Variants in APBA3 observed in about 807,000 individuals in gnomAD.
APBA3 encodes amyloid-beta A4 precursor protein-binding family A member 3.
Under a neutral mutation model 55.9 loss-of-function variants are expected in APBA3, and 45 were observed. The ratio of observed to expected loss-of-function variants is 0.80; its 90% CI spans 0.63 to 1.03. APBA3 has a LOEUF of 1.03. APBA3 is among the 50% of genes least tolerant of loss of function. The pLI, the probability that APBA3 is intolerant of heterozygous loss-of-function variation, is 0.00. For missense variants in APBA3, 865 were observed against 820.3 expected, an observed-to-expected ratio of 1.05 and a Z score of -0.67; for synonymous variants, 370 against 353.3, an observed-to-expected ratio of 1.05 and a Z score of -0.53.
Position 3,754,364 on chromosome 19 carries a change from C to T in APBA3, c.617-24G>A, listed in dbSNP as rs78443877. The T allele has an allele frequency of 6.9e-4, 1,066 of 1,546,488 alleles. 6 individuals carry two copies. In the African/African-American group the frequency reaches 0.012, roughly 18 times the overall value. On this transcript the variant is annotated intron_variant, in intron 3 of 10. Transcript: ENST00000316757. ...CACTGAGGGCGACAGCGAAGAGGGT[C>T]GGCCCCCAGGGGCCCACTCCCACAG...
chr19:3,752,416 G>T (rs1399375281), intron 8 of APBA3, 92 bp downstream of exon 8: 2 of 1,212,886 alleles, frequency 1.6e-6, no homozygotes, highest in Non-Finnish European at 2.3e-6. Flanking sequence ...CCTCCTGGCT[G>T]GGCTGGAGAG....
At chr19:3,752,446 C>A (rs994560554) in intron 8 of APBA3, 62 bp downstream of exon 8, 9 of 1,452,972 alleles carry the variant, frequency 6.2e-6, no homozygotes, top group Non-Finnish European at 7.4e-6. Flanking sequence ...GGGAGGAGAC[C>A]TCTCTGGGAC....
rs1265561083 is a variant in APBA3, at chr19:3,752,909, TGGG to T, written c.1090_1092del (p.Pro364del). ...GGGCTCGGGTGCACGCCCACCTGGC[TGGG>T]GTCAATACCGCTTTCCCGTAGGAAC... On this transcript the variant is annotated inframe_deletion, in exon 7 of 11. Transcript: ENST00000316757. The T allele has an allele frequency of 6.2e-7, 1 of 1,613,396 alleles. No individual in the cohort carries two copies. Among genetic ancestry groups the T allele is most frequent in the South Asian group, 1.1e-5 (1 of 91,090 alleles).
At chr19:3,757,127 T>C (rs1599175339) in intron 3 of APBA3, among the ~76,000 whole-genome samples, 1 of 152,110 alleles carries the variant, frequency 6.6e-6, no homozygotes. Context: ...TTTTTTTCTT[T>C]TTTTTGAGAC....
chr19:3,751,624 TCA>T, intron 8 of APBA3, 71 bp from the exon 9 acceptor site: 1 of 1,490,884 alleles, frequency 6.7e-7, no homozygotes, highest in Non-Finnish European at 8.9e-7. Context: ...CCTCTGGGCC[TCA>T]GTTTACCCTC....
At position 3,751,431 on chromosome 19, in the gene APBA3, C is replaced by G. The variant is rs1207448852; in HGVS notation, c.1515+3G>C. The G allele has an allele frequency of 1.3e-6, 2 of 1,528,718 alleles. No individual in the cohort carries two copies. The highest frequency in any genetic ancestry group is 1.8e-6 in the Non-Finnish European group (2 of 1,142,180). 94.7% of individuals were successfully genotyped at this position (1,528,718 alleles called of 1,614,324 possible). A position where few individuals can be genotyped will look rare whatever the true frequency, so the allele number is the denominator to read the frequency against. On this transcript the variant is annotated splice_donor_region_variant and intron_variant, in intron 9 of 10. Coordinates refer to ENST00000316757, the MANE Select transcript of APBA3 (RefSeq NM_004886.4). ...ACCCCGGGGCCAGGGGCCGGGGCCT[C>G]ACGATGCCGTCCTCCACGCAGAAGC...
Position 3,759,954 on chromosome 19 carries a change from G to C in APBA3, c.311C>G (p.Ser104Cys), listed in dbSNP as rs780131562. ...CAGGTCATCCCGGCCAGCTTCGGCA[G>C]ACAGGAGCCCGTGGGCATCAGCAAT... ...QEIADAHGLL[S>C]AEAGRDDLLG... is the part of the protein sequence containing the mutation. Residue 104 changes from serine (S) to cysteine (C), a missense_variant, in exon 2 of 11, where the codon TCT becomes TGT. Coordinates refer to ENST00000316757, the MANE Select transcript of APBA3 (RefSeq NM_004886.4). The C allele has an allele frequency of 1.2e-6, 2 of 1,610,114 alleles. No individual in the cohort carries two copies. Among genetic ancestry groups the C allele is most frequent in the African/African-American group, 2.7e-5 (2 of 74,680 alleles).
chr19:3,750,954 C>T lies in APBA3; in HGVS notation c.*72G>A. Reference sequence around the variant, plus strand: ...CAAGAACCGCTGGGGTCCTGGCCAGCCAGGGCAGGCCCAGGATGGGGCTCC... The same window carrying T: ...CAAGAACCGCTGGGGTCCTGGCCAGTCAGGGCAGGCCCAGGATGGGGCTCC... On this transcript the variant is annotated 3_prime_UTR_variant, in exon 11 of 11. Transcript: ENST00000316757. 2 of 1,484,292 alleles carry T rather than the reference C, an allele frequency of 1.3e-6. No individual in the cohort carries two copies. Among genetic ancestry groups the T allele is most frequent in the Non-Finnish European group, 1.8e-6 (2 of 1,085,932 alleles). The allele number at this position is 1,484,292 out of a possible 1,614,324, so 91.9% of individuals were successfully genotyped here. A position where few individuals can be genotyped will look rare whatever the true frequency, so the allele number is the denominator to read the frequency against.
chr19:3,751,076 C>T lies in APBA3; in HGVS notation c.1678G>A (p.Ala560Thr). ...YGEVHIKTMP[A>T]ATYRLLTGQE... The stretch of plus-strand genomic sequence containing the variant: ...CCTGTAAGGAGGCGATATGTGGCAG[C>T]TGGCATCGTCTTGATATGCACCTGG... Residue 560 changes from alanine to threonine, a missense_variant, in exon 11 of 11, where the codon GCT (alanine) becomes ACT (threonine). Physicochemically the swap from Ala to Thr is moderately conservative, Grantham distance 58. Transcript: ENST00000316757. 6.4e-7 allele frequency: 1 copy of T among 1,567,118 alleles called. No individual in the cohort carries two copies. Among genetic ancestry groups the T allele is most frequent in the Non-Finnish European group, 8.7e-7 (1 of 1,155,484 alleles).
Position 3,751,533 on chromosome 19 carries a change from C to A in APBA3, c.1416G>T (p.Ser472=). The A allele has an allele frequency of 1.9e-6, 3 of 1,589,638 alleles. No individual in the cohort carries two copies. The change falls in exon 9 of 11, where the codon TCG becomes TCT. Residue 472 remains serine (S), a synonymous_variant. Coordinates refer to ENST00000316757, the MANE Select transcript of APBA3 (RefSeq NM_004886.4). ...AAVRETKSQT[S]VTLSIVHCPP... is the part of the protein sequence containing the mutation. ...GGCAGTGGACGATGCTGAGTGTCAC[C>A]GACGTCTGCGACTTCGTCTCCTGTG...
Position 3,759,994 on chromosome 19 carries a change from G to A in APBA3, c.271C>T (p.Leu91=). 6.2e-7 allele frequency: 1 copy of A among 1,611,518 alleles called. No individual in the cohort carries two copies. The highest frequency in any genetic ancestry group is 8.5e-7 in the Non-Finnish European group (1 of 1,179,474). ...CPLHIATGHG[L]ASQEIADAHG... Reference sequence around the variant, plus strand: ...GCATCAGCAATCTCCTGGGAGGCCAGGCCATGGCCTGTGGCAATGTGTAGG... The same window carrying A: ...GCATCAGCAATCTCCTGGGAGGCCAAGCCATGGCCTGTGGCAATGTGTAGG... Residue 91 remains leucine (L), a synonymous_variant, in exon 2 of 11, where the codon CTG becomes TTG. Coordinates refer to ENST00000316757, the MANE Select transcript of APBA3 (RefSeq NM_004886.4).
Position 3,752,733 on chromosome 19 carries a change from G to C in APBA3, c.1183-13C>G. 1 of 1,604,194 alleles carries C rather than the reference G, an allele frequency of 6.2e-7. No individual in the cohort carries two copies. Among genetic ancestry groups the C allele is most frequent in the Non-Finnish European group, 8.5e-7 (1 of 1,177,446 alleles). On this transcript the variant is annotated splice_polypyrimidine_tract_variant and intron_variant, in intron 7 of 10. Transcript: ENST00000316757. ...TCTCGAGGTGCACCTGGGACACACA[G>C]GGGGCGCGGAGGCTGCTCAGCAGGG... is the stretch of plus-strand genomic sequence containing the variant.
At chr19:3,754,419 T>A in intron 3 of APBA3, 79 bp from the exon 4 acceptor site, 1 of 1,496,922 alleles carries the variant, frequency 6.7e-7, no homozygotes, top group South Asian at 1.3e-5. Flanking sequence ...CTCTCCGAGA[T>A]GGCCGGGAGA....
At position 3,750,792 on chromosome 19, in the gene APBA3, TAAACA is replaced by T. The variant is rs966766612; in HGVS notation, c.*229_*233del. The T allele has an allele frequency of 1.9e-6, 2 of 1,079,008 alleles. No individual in the cohort carries two copies. The highest frequency in any genetic ancestry group is 3.2e-5 in the African/African-American group (2 of 63,332). The allele number at this position is 1,079,008 out of a possible 1,614,324, so 66.8% of individuals were successfully genotyped here. A position where few individuals can be genotyped will look rare whatever the true frequency, so the allele number is the denominator to read the frequency against. On this transcript the variant is annotated 3_prime_UTR_variant, in exon 11 of 11. Coordinates refer to ENST00000316757, the MANE Select transcript of APBA3 (RefSeq NM_004886.4). ...TTACCTCCCTCCGCCTGGTCTTTAA[TAAACA>T]GAGTATTTTCACAGCACCGGCTTCT...
At position 3,751,212 on chromosome 19, in the gene APBA3, G is replaced by A; in HGVS notation, c.1633C>T (p.Leu545=). 1 of 1,551,612 alleles carries A rather than the reference G, an allele frequency of 6.4e-7. No homozygotes were observed. Among genetic ancestry groups the A allele is most frequent in the South Asian group, 1.2e-5 (1 of 84,336 alleles). The part of the protein sequence containing the change: ...VATPHARIIE[L]LTEAYGEVHI... ...ACCTCGCCATAGGCCTCGGTGAGCA[G>A]CTCGATGATGCGGGCGTGTGGCGTG... The change falls in exon 10 of 11, where the codon CTG becomes TTG. Residue 545 remains leucine (L), a synonymous_variant. Coordinates refer to ENST00000316757, the MANE Select transcript of APBA3 (RefSeq NM_004886.4).
intron 3 of APBA3, chr19:3,755,918 G>T (rs935064272): frequency 1.3e-5 from 2 of 152,098 alleles, no homozygotes; most frequent in Non-Finnish European, 2.9e-5. Context: ...AGTAACTACG[G>T]CTCTTTGGTT....
At chr19:3,752,745 G>T (rs752397685) in intron 7 of APBA3, 25 bp from the exon 8 acceptor site, 2 of 1,606,982 alleles carry the variant, frequency 1.2e-6, no homozygotes, top group Non-Finnish European at 1.7e-6. Flanking sequence ...GGGCGCGGAG[G>T]CTGCTCAGCA....
At chr19:3,758,324 TCTC>T (rs2037103451) in intron 3 of APBA3, among the ~76,000 whole-genome samples, 1 of 151,898 alleles carries the variant, frequency 6.6e-6, no homozygotes, top group African/African-American at 2.4e-5. Flanking sequence ...CGTGGGGTGA[TCTC>T]AGCTCACCGC....
rs773768999 is a variant in APBA3 at position 3,752,575 on chromosome 19, C to T, written c.1328G>A (p.Arg443His). Residue 443 changes from arginine to histidine, a missense_variant, in exon 8 of 11, where the codon CGC (arginine) becomes CAC (histidine). Physicochemically the swap from Arg to His is conservative, Grantham distance 29 (BLOSUM62 0). Transcript: ENST00000316757. ...GCTGGTCCCGTTGATGGCGGTCAGG[C>T]GGTCCCCGATGCTGAGGGCCCCCGA... ...ERSGALSIGDRLTAINGTSLV... is the reference protein window; with the variant it reads ...ERSGALSIGDHLTAINGTSLV... 24 of 1,587,544 alleles carry T rather than the reference C, an allele frequency of 1.5e-5. No individual in the cohort carries two copies. Among genetic ancestry groups the T allele is most frequent in the South Asian group, 1.1e-4 (10 of 88,252 alleles).
Sources: allele counts gnomAD v4.1 joint callset (sites outside exome capture counted in the v4.1 genomes callset), GRCh38; gene constraint gnomAD v4.1.1; transcripts MANE v1.5; gene names NCBI Gene and HGNC (gene_info 2026-07-23, HGNC 2026-07-21).